Variants in EPHB2 observed in about 807,000 individuals in gnomAD.
EPHB2 encodes ephrin type-B receptor 2.
Under a neutral mutation model 96.4 loss-of-function variants are expected in EPHB2, and 18 were observed. That is an observed-to-expected ratio of 0.19 (90% CI 0.13 to 0.28). The LOEUF is 0.28. Among genes scored for constraint, EPHB2 ranks in the 10% least tolerant of loss-of-function variants. The pLI is 1.00. For missense variants in EPHB2, 989 were observed against 1,355.4 expected, an observed-to-expected ratio of 0.73 and a Z score of 4.25; for synonymous variants, 506 against 534.1, an observed-to-expected ratio of 0.95 and a Z score of 0.72.
intron 3 of EPHB2, among the ~76,000 whole-genome samples, chr1:22,825,035 G>A (rs1035336779): frequency 1.3e-5 from 2 of 152,240 alleles, no homozygotes; most frequent in African/African-American, 4.8e-5. Flanking sequence ...GGAGCTCCTA[G>A]AACATTCATA....
chr1:22,769,944 G>A (rs748110548), intron 1 of EPHB2, among the ~76,000 whole-genome samples: 1 of 152,114 alleles, frequency 6.6e-6, no homozygotes, highest in Non-Finnish European at 1.5e-5. Context: ...AGGGGTGAGT[G>A]GATAAATTGG....
At chr1:22,745,464 G>C (rs1289506105) in intron 1 of EPHB2, among the ~76,000 whole-genome samples, 2 of 152,212 alleles carry the variant, frequency 1.3e-5, no homozygotes, top group African/African-American at 4.8e-5. Flanking sequence ...GATGAGGACA[G>C]GACACGAGGA....
At chr1:22,744,576 G>T (rs1173416415) in intron 1 of EPHB2, among the ~76,000 whole-genome samples, 1 of 149,180 alleles carries the variant, frequency 6.7e-6, no homozygotes, top group Non-Finnish European at 1.5e-5. Context: ...CTACTTGAGA[G>T]GCTCAGGCAG....
intron 5 of EPHB2, among the ~76,000 whole-genome samples, chr1:22,872,263 C>T (rs191454063): frequency 5.3e-5 from 8 of 152,226 alleles, no homozygotes; most frequent in African/African-American, 1.9e-4. Flanking sequence ...TCAGAAGCAG[C>T]AGCAGGGCAT....
chr1:22,752,256 G>T (rs1325333105), intron 1 of EPHB2, among the ~76,000 whole-genome samples: 1 of 152,224 alleles, frequency 6.6e-6, no homozygotes, highest in African/African-American at 2.4e-5. Flanking sequence ...CCAGCACTTT[G>T]GGGGGCCAAG....
At chr1:22,866,813 A>T (rs1163679196) in intron 5 of EPHB2, among the ~76,000 whole-genome samples, 2 of 152,144 alleles carry the variant, frequency 1.3e-5, no homozygotes, top group African/African-American at 4.8e-5. Flanking sequence ...GGGCACCTGT[A>T]ATCCCAGCTA....
intron 3 of EPHB2, among the ~76,000 whole-genome samples, chr1:22,808,661 T>A (rs1302560535): frequency 6.6e-6 from 1 of 152,236 alleles, no homozygotes; most frequent in Admixed American, 6.5e-5. Context: ...TACTGAGTGA[T>A]ATTTATATAC....
intron 3 of EPHB2, among the ~76,000 whole-genome samples, chr1:22,835,101 G>T (rs879580436): frequency 2.0e-5 from 3 of 151,684 alleles, no homozygotes; most frequent in Admixed American, 1.3e-4. Flanking sequence ...CCTATTGGCC[G>T]GGCACAGTGG....
chr1:22,756,402 G>A (rs535364290), intron 1 of EPHB2, among the ~76,000 whole-genome samples: 2 of 152,080 alleles, frequency 1.3e-5, no homozygotes, highest in African/African-American at 2.4e-5. Context: ...CAGACTGACC[G>A]CCAGGACCTC....
intron 3 of EPHB2, among the ~76,000 whole-genome samples, chr1:22,862,604 A>G (rs555467912): frequency 2.0e-5 from 3 of 152,310 alleles, no homozygotes; most frequent in Admixed American, 1.3e-4. Context: ...CTGCCCTAGG[A>G]CTTTTCTTCT....
intron 1 of EPHB2, chr1:22,775,370 T>C: frequency 7.2e-6 from 5 of 698,992 alleles, no homozygotes; most frequent in Non-Finnish European, 1.3e-5. Flanking sequence ...CATGTATAGG[T>C]GCTTAATGAA....
intron 3 of EPHB2, among the ~76,000 whole-genome samples, chr1:22,856,249 C>T (rs1645696811): frequency 6.6e-6 from 1 of 152,204 alleles, no homozygotes; most frequent in Non-Finnish European, 1.5e-5. Context: ...CAGATGGAGT[C>T]CTGCCTCGGC....
At chr1:22,724,275 A>G (rs1643534146) in intron 1 of EPHB2, among the ~76,000 whole-genome samples, 2 of 151,980 alleles carry the variant, frequency 1.3e-5, no homozygotes, top group East Asian at 1.9e-4. Context: ...AGAGATATAT[A>G]TTTTTTCTGA....
chr1:22,850,995 G>C (rs1484190877), intron 3 of EPHB2, among the ~76,000 whole-genome samples: 1 of 152,080 alleles, frequency 6.6e-6, no homozygotes, highest in Non-Finnish European at 1.5e-5. Flanking sequence ...TTTCTTTTTG[G>C]AAATTCATCT....
At chr1:22,770,983 C>T (rs1240884734) in intron 1 of EPHB2, among the ~76,000 whole-genome samples, 1 of 152,070 alleles carries the variant, frequency 6.6e-6, no homozygotes, top group Non-Finnish European at 1.5e-5. Context: ...GACAGCTCAG[C>T]GCAGTAAGTA....
At chr1:22,910,751 C>T (rs943752869) in intron 14 of EPHB2, among the ~76,000 whole-genome samples, 176 bp downstream of exon 14, 2 of 152,150 alleles carry the variant, frequency 1.3e-5, no homozygotes, top group South Asian at 2.1e-4. Flanking sequence ...GAGCAGAGGA[C>T]GCAGACTGCC....
At chr1:22,728,196 A>C (rs1643626396) in intron 1 of EPHB2, among the ~76,000 whole-genome samples, 1 of 152,190 alleles carries the variant, frequency 6.6e-6, no homozygotes, top group Admixed American at 6.5e-5. Flanking sequence ...CATGGCACCT[A>C]GGACTTAGCA....
intron 1 of EPHB2, among the ~76,000 whole-genome samples, chr1:22,765,797 T>G (rs141564048): frequency 6.6e-6 from 1 of 152,162 alleles, no homozygotes; most frequent in Non-Finnish European, 1.5e-5. Context: ...CCTCAGCTCA[T>G]GATGTGACCC....
At chr1:22,731,628 A>G (rs1643714989) in intron 1 of EPHB2, among the ~76,000 whole-genome samples, 1 of 152,184 alleles carries the variant, frequency 6.6e-6, no homozygotes, top group South Asian at 2.1e-4. Flanking sequence ...TCACGAGGTC[A>G]GGAGTTCAAG....
Sources: gnomAD v4.1 joint callset for allele counts (sites outside exome capture counted in the v4.1 genomes callset) on GRCh38, gnomAD v4.1.1 for gene constraint, MANE v1.5 for transcripts, NCBI Gene and HGNC (gene_info 2026-07-23, HGNC 2026-07-21) for gene names.